RAD54L2: variants seen among roughly 807,000 people sequenced by gnomAD.
The protein encoded by RAD54L2 is RAD54 like 2, also known as helicase ARIP4.
A neutral mutation model predicts 138.4 loss-of-function variants in RAD54L2; 27 were observed. The observed-to-expected ratio is 0.20, with a 90% confidence interval of 0.14 to 0.27. RAD54L2 has a LOEUF of 0.27. RAD54L2 is among the 10% of genes least tolerant of loss of function. RAD54L2 has a pLI of 1.00. For missense variants in RAD54L2, 1,396 were observed against 1,890.2 expected (o/e 0.74, Z 4.85); for synonymous variants, 644 against 723.2 (o/e 0.89, Z 1.76).
intron 12 of RAD54L2, chr3:51,639,108 A>G: frequency 2.8e-6 from 1 of 363,542 alleles, no homozygotes; most frequent in South Asian, 3.5e-5. Flanking sequence ...GTGAAACTGG[A>G]ACATTCTTAC....
At chr3:51,574,784 C>G (rs554484437) in intron 2 of RAD54L2, among the ~76,000 whole-genome samples, 1 of 152,240 alleles carries the variant, frequency 6.6e-6, no homozygotes, top group South Asian at 2.1e-4. Flanking sequence ...AATTTTCTCC[C>G]ATTCTGTAGG....
intron 2 of RAD54L2, among the ~76,000 whole-genome samples, chr3:51,561,849 C>T (rs1277215277): frequency 6.6e-6 from 1 of 152,124 alleles, no homozygotes; most frequent in Non-Finnish European, 1.5e-5. Context: ...GTCATCACGC[C>T]TGGCTTGGCT....
At chr3:51,576,546 G>A (rs55760693) in intron 2 of RAD54L2, among the ~76,000 whole-genome samples, 2,858 of 152,110 alleles carry the variant, frequency 0.019, 101 homozygotes, top group African/African-American at 0.066. Flanking sequence ...GTCTATTGAG[G>A]GATTCAACTT....
At chr3:51,580,137 T>G (rs1454052035) in intron 2 of RAD54L2, among the ~76,000 whole-genome samples, 1 of 152,158 alleles carries the variant, frequency 6.6e-6, no homozygotes, top group Non-Finnish European at 1.5e-5. Flanking sequence ...GGCCCACCAG[T>G]AACTTCTGAC....
chr3:51,609,341 ATGCT>A (rs1279821096), intron 3 of RAD54L2, among the ~76,000 whole-genome samples: 1 of 152,232 alleles, frequency 6.6e-6, no homozygotes, highest in African/African-American at 2.4e-5. Context: ...GCTTAAAATG[ATGCT>A]TGCTTTATCC....
chr3:51,542,737 A>G (rs1378002855), intron 2 of RAD54L2, among the ~76,000 whole-genome samples: 1 of 152,212 alleles, frequency 6.6e-6, no homozygotes, highest in Non-Finnish European at 1.5e-5. Flanking sequence ...TGCTGGGGTT[A>G]CAGGTGTGAG....
intron 3 of RAD54L2, among the ~76,000 whole-genome samples, chr3:51,595,421 T>C (rs575596322): frequency 6.6e-6 from 1 of 152,260 alleles, no homozygotes; most frequent in East Asian, 1.9e-4. Context: ...TGAAGAGGGA[T>C]GGGTAAAAGC....
intron 4 of RAD54L2, among the ~76,000 whole-genome samples, chr3:51,628,543 C>T (rs577116515): frequency 2.2e-4 from 34 of 152,178 alleles, no homozygotes; most frequent in African/African-American, 8.2e-4. Context: ...GTGCCCGCCA[C>T]CACACCTGGC....
chr3:51,582,766 C>CTTTTTTTTTTTTTTTTT lies in RAD54L2; in HGVS notation c.-54-7591_-54-7590insTTTTTTTTTTTTTTTTT, dbSNP rs61245532. On this transcript the variant is annotated intron_variant, in intron 2 of 22. Transcript: ENST00000684192. ...CTTGAAGGGTCTAAGCCAGGGAAGT[C>CTTTTTTTTTTTTTTTTT]TTTTTTTTTTGAGACGGAGTCTCGC... 2.7e-5 allele frequency among the ~76,000 whole-genome samples: 4 copies of CTTTTTTTTTTTTTTTTT among 147,232 alleles called. No homozygotes were observed. The South Asian group carries it at 6.4e-4, about 24-fold the overall frequency.
intron 2 of RAD54L2, among the ~76,000 whole-genome samples, chr3:51,585,530 C>G (rs1699690863): frequency 6.6e-6 from 1 of 152,168 alleles, no homozygotes; most frequent in African/African-American, 2.4e-5. Flanking sequence ...CCTCATGTCT[C>G]TAAGGCCTGT....
At chr3:51,578,582 G>C (rs575309667) in intron 2 of RAD54L2, among the ~76,000 whole-genome samples, 1 of 152,238 alleles carries the variant, frequency 6.6e-6, no homozygotes, top group East Asian at 1.9e-4. Context: ...GTGGGAACTG[G>C]AGTACATGGG....
chr3:51,626,013 A>C (rs762185407), intron 3 of RAD54L2, among the ~76,000 whole-genome samples: 1 of 152,000 alleles, frequency 6.6e-6, no homozygotes, highest in Non-Finnish European at 1.5e-5. Flanking sequence ...ATTAATGGAA[A>C]ACTGGTGAAA....
chr3:51,573,997 AC>A (rs1699402107), intron 2 of RAD54L2, among the ~76,000 whole-genome samples: 1 of 26,814 alleles, frequency 3.7e-5, no homozygotes, highest in Non-Finnish European at 7.9e-5. Flanking sequence ...CCCTCCCCCC[AC>A]CCCCACCCCA....
chr3:51,562,879 A>G (rs938185330), intron 2 of RAD54L2, among the ~76,000 whole-genome samples: 4 of 152,032 alleles, frequency 2.6e-5, no homozygotes, highest in Admixed American at 1.3e-4. Flanking sequence ...GACTCAAGCC[A>G]TTCTCCCACC....
intron 19 of RAD54L2, among the ~76,000 whole-genome samples, chr3:51,652,727 T>C (rs1701476158): frequency 6.6e-6 from 1 of 152,208 alleles, no homozygotes; most frequent in African/African-American, 2.4e-5. Flanking sequence ...GCTAGCCATA[T>C]GTAGAAAGCT....
chr3:51,604,534 C>T (rs775144360), intron 3 of RAD54L2, among the ~76,000 whole-genome samples: 1 of 152,122 alleles, frequency 6.6e-6, no homozygotes, highest in African/African-American at 2.4e-5. Flanking sequence ...ACAAATCAAC[C>T]ACCTGGAATC....
At chr3:51,608,111 G>T (rs1238827452) in intron 3 of RAD54L2, among the ~76,000 whole-genome samples, 1 of 151,592 alleles carries the variant, frequency 6.6e-6, no homozygotes, top group Non-Finnish European at 1.5e-5. Context: ...CTTCTCAGAC[G>T]GGGCGGCCGG....
chr3:51,579,640 T>C (rs1317340201), intron 2 of RAD54L2, among the ~76,000 whole-genome samples: 1 of 152,124 alleles, frequency 6.6e-6, no homozygotes, highest in African/African-American at 2.4e-5. Flanking sequence ...CGAACCCCGG[T>C]ACCATTTAAT....
At chr3:51,659,681 T>A (rs532342266) in intron 21 of RAD54L2, among the ~76,000 whole-genome samples, 61 of 152,338 alleles carry the variant, frequency 4.0e-4, no homozygotes, top group African/African-American at 1.4e-3. Context: ...TAGCACCTTA[T>A]TTGCTTCTCC....
Sources: gnomAD v4.1 joint callset for allele counts (sites outside exome capture counted in the v4.1 genomes callset) on GRCh38, gnomAD v4.1.1 for gene constraint, MANE v1.5 for transcripts, NCBI Gene and HGNC (gene_info 2026-07-23, HGNC 2026-07-21) for gene names.